Variants in ANKRD42 observed in about 807,000 individuals in gnomAD.
The protein encoded by ANKRD42 is ankyrin repeat domain 42, also known as ankyrin repeat domain-containing protein 42.
Under a neutral mutation model 51.5 loss-of-function variants are expected in ANKRD42, and 43 were observed. That is an observed-to-expected ratio of 0.83 (90% CI 0.65 to 1.08). The LOEUF (loss-of-function observed/expected upper bound fraction) is 1.08, where lower values mean the gene tolerates loss of function less well. ANKRD42 is among the 50% of genes least tolerant of loss of function. The pLI, the probability that ANKRD42 is intolerant of heterozygous loss-of-function variation, is 0.00. For synonymous variants in ANKRD42, 203 were observed against 213.0 expected (o/e 0.95, Z 0.41); for missense variants, 608 against 629.3 (o/e 0.97, Z 0.36).
In ANKRD42 at chr11:83,224,988, C is replaced by T; in HGVS notation, c.720C>T (p.Phe240=). The T allele has an allele frequency of 6.2e-7, 1 of 1,613,448 alleles. No individual in the cohort carries two copies. The change falls in exon 6 of 11, where the codon TTC becomes TTT. Residue 240 remains phenylalanine (F), a synonymous_variant. Coordinates refer to ENST00000533342, the MANE Select transcript of ANKRD42 (RefSeq NM_001300975.2). ...ENVLDLAQRF[F]KQNILQFIQG... ...TACTGGATTTGGCCCAGAGGTTCTT[C>T]AAGCAGAACATTTTACAGTTTATCC...
chr11:83,223,369 G>C (rs181897840), intron 5 of ANKRD42, among the ~76,000 whole-genome samples: 1 of 152,296 alleles, frequency 6.6e-6, no homozygotes, highest in East Asian at 1.9e-4. Context: ...AATAATTCAG[G>C]CTACTATTTC....
intron 6 of ANKRD42, among the ~76,000 whole-genome samples, chr11:83,226,838 T>A (rs1862902758): frequency 6.6e-6 from 1 of 152,050 alleles, no homozygotes; most frequent in South Asian, 2.1e-4. Context: ...ATGACAACTA[T>A]TTACATAGCA....
At chr11:83,245,295 T>A (rs1159208496) in intron 9 of ANKRD42, among the ~76,000 whole-genome samples, 1 of 152,228 alleles carries the variant, frequency 6.6e-6, no homozygotes, top group African/African-American at 2.4e-5. Context: ...GAATCCTCCA[T>A]TTAGGTATTC....
intron 5 of ANKRD42, chr11:83,214,671 A>C: frequency 1.7e-6 from 1 of 603,212 alleles, no homozygotes; most frequent in African/African-American, 2.0e-5. Flanking sequence ...TAATGTATAA[A>C]GATCAAATCA....
chr11:83,231,869 A>G (rs182513732), intron 7 of ANKRD42, among the ~76,000 whole-genome samples: 3 of 152,230 alleles, frequency 2.0e-5, no homozygotes, highest in East Asian at 3.9e-4. Flanking sequence ...AAATGAGTTC[A>G]CTGTAGGTGT....
At chr11:83,211,478 T>C in intron 5 of ANKRD42, 48 bp downstream of exon 5, 1 of 1,590,150 alleles carries the variant, frequency 6.3e-7, no homozygotes. Context: ...ATGTAAACTT[T>C]TAAATGTTTG....
chr11:83,239,776 A>G (rs1486000949), intron 8 of ANKRD42, among the ~76,000 whole-genome samples: 2 of 152,220 alleles, frequency 1.3e-5, no homozygotes, highest in African/African-American at 4.8e-5. Flanking sequence ...ATTGAATACT[A>G]TGGGTATATC....
intron 3 of ANKRD42, chr11:83,209,551 T>A: frequency 2.0e-6 from 2 of 982,018 alleles, no homozygotes; most frequent in Non-Finnish European, 3.3e-6. Context: ...TTCAGCAGAG[T>A]CAGGGATGGG....
intron 6 of ANKRD42, among the ~76,000 whole-genome samples, chr11:83,225,519 T>A (rs1862851569): frequency 6.6e-6 from 1 of 151,194 alleles, no homozygotes; most frequent in African/African-American, 2.4e-5. Context: ...GAACCGTGAT[T>A]GTACCTCTGC....
At position 83,241,639 on chromosome 11, in the gene ANKRD42, C is replaced by T. The variant is rs1863390892; in HGVS notation, c.1195+705C>T. 2.0e-5 allele frequency among the ~76,000 whole-genome samples: 3 copies of T among 152,130 alleles called. No homozygotes were observed. The South Asian group carries it at 6.2e-4, about 32-fold the overall frequency. ...GCGACAGATTGGTCTGAAAGGTAAGCAGGGACCCAGTCAGATCATGTAGGG... is the reference window on the plus strand; with the variant it reads ...GCGACAGATTGGTCTGAAAGGTAAGTAGGGACCCAGTCAGATCATGTAGGG... On this transcript the variant is annotated intron_variant, in intron 9 of 10. Transcript: ENST00000533342.
At chr11:83,197,974 T>A (rs1387893910) in intron 1 of ANKRD42, among the ~76,000 whole-genome samples, 1 of 152,184 alleles carries the variant, frequency 6.6e-6, no homozygotes, top group Non-Finnish European at 1.5e-5. Context: ...AAAACATGAG[T>A]TCCTGGCTTT....
chr11:83,222,091 A>G lies in ANKRD42; in HGVS notation c.587-2764A>G, dbSNP rs374785121. ...GACATGTCTTGGATATGGAAGTCCA[A>G]TTCTCTTACTGTCTGCTCTGAGTTT... On this transcript the variant is annotated intron_variant, in intron 5 of 10. Transcript: ENST00000533342. 1.7e-4 allele frequency among the ~76,000 whole-genome samples: 26 copies of G among 152,242 alleles called. No homozygotes were observed. The East Asian group carries it at 2.3e-3, about 14-fold the overall frequency.
intron 5 of ANKRD42, chr11:83,213,087 AT>A (rs780679225): frequency 6.2e-7 from 1 of 1,600,704 alleles, no homozygotes; most frequent in Non-Finnish European, 8.5e-7. Context: ...ACTGACTGAT[AT>A]GTCAAAATTA....
intron 9 of ANKRD42, among the ~76,000 whole-genome samples, chr11:83,242,566 A>ATTTTTTTTTTTTTT (rs1565196033): frequency 1.5e-5 from 1 of 64,888 alleles, no homozygotes; most frequent in African/African-American, 7.9e-5. Flanking sequence ...ATGGTAGTTA[A>ATTTTTTTTTTTTTT]GTTTTTTTTT....
chr11:83,226,059 G>A (rs1322794661), intron 6 of ANKRD42, among the ~76,000 whole-genome samples: 1 of 152,108 alleles, frequency 6.6e-6, no homozygotes, highest in Non-Finnish European at 1.5e-5. Flanking sequence ...CATCCAGCCT[G>A]TATTATTCTT....
intron 5 of ANKRD42, among the ~76,000 whole-genome samples, chr11:83,218,725 G>C (rs188923072): frequency 1.5e-4 from 23 of 152,288 alleles, no homozygotes; most frequent in African/African-American, 5.3e-4. Context: ...AGGAGAGTCA[G>C]TGGGGGAGGA....
At chr11:83,226,322 A>G (rs1342500053) in intron 6 of ANKRD42, among the ~76,000 whole-genome samples, 1 of 152,236 alleles carries the variant, frequency 6.6e-6, no homozygotes, top group African/African-American at 2.4e-5. Flanking sequence ...GATAGTAACT[A>G]CATAAACTGA....
rs1269756736 is a variant in ANKRD42 at position 83,193,959 on chromosome 11, G to A, written c.-712G>A. Reference sequence around the variant, plus strand: ...ACGACGGGGAAAGAAAATGTGAAGAGAGCGACCGCCGCTCCAGGGTCGCTG... The same window carrying A: ...ACGACGGGGAAAGAAAATGTGAAGAAAGCGACCGCCGCTCCAGGGTCGCTG... On this transcript the variant is annotated 5_prime_UTR_variant, in exon 1 of 11. Coordinates refer to ENST00000533342, the MANE Select transcript of ANKRD42 (RefSeq NM_001300975.2). The A allele has an allele frequency of 4.4e-6, 2 of 456,376 alleles. No individual in the cohort carries two copies. Among genetic ancestry groups the A allele is most frequent in the South Asian group, 1.5e-5 (1 of 64,560 alleles). 28.3% of individuals were successfully genotyped at this position (456,376 alleles called of 1,614,324 possible).
At chr11:83,226,324 A>G (rs1049814935) in intron 6 of ANKRD42, among the ~76,000 whole-genome samples, 2 of 152,244 alleles carry the variant, frequency 1.3e-5, no homozygotes, top group African/African-American at 2.4e-5. Flanking sequence ...TAGTAACTAC[A>G]TAAACTGAGT....
Sources: allele counts gnomAD v4.1 joint callset (sites outside exome capture counted in the v4.1 genomes callset), GRCh38; gene constraint gnomAD v4.1.1; transcripts MANE v1.5; gene names NCBI Gene and HGNC (gene_info 2026-07-23, HGNC 2026-07-21).